Variants in IPO4 observed in about 807,000 individuals in gnomAD.
IPO4 encodes the protein importin 4.
A neutral mutation model predicts 133.5 loss-of-function variants in IPO4; 91 were observed. That is an observed-to-expected ratio of 0.68 (90% CI 0.58 to 0.81). The LOEUF is 0.81. Among genes scored for constraint, IPO4 ranks in the 30% least tolerant of loss-of-function variants. The pLI, the probability that IPO4 is intolerant of heterozygous loss-of-function variation, is 0.00. For synonymous variants in IPO4, 607 were observed against 581.6 expected (o/e 1.04, Z -0.63); for missense variants, 1,279 against 1,386.2 (o/e 0.92, Z 1.23).
chr14:24,182,836 A>C lies in IPO4; in HGVS notation c.2428T>G (p.Cys810Gly), dbSNP rs781442380. ...LKAVLQRKTA[C>G]QDTDEEEEEE... ...TCCTCCTCCTCGTCAGTATCCTGACAGGCTGTCTACAAGAAGTAGCTCAAC... is the reference window on the plus strand; with the variant it reads ...TCCTCCTCCTCGTCAGTATCCTGACCGGCTGTCTACAAGAAGTAGCTCAAC... Residue 810 changes from cysteine (C) to glycine (G), a missense_variant, in exon 24 of 30, where the codon TGT becomes GGT. Coordinates refer to ENST00000354464, the MANE Select transcript of IPO4 (RefSeq NM_024658.4). 2 of 1,614,150 alleles carry C rather than the reference A, an allele frequency of 1.2e-6. No individual in the cohort carries two copies. The highest frequency in any genetic ancestry group is 1.1e-5 in the South Asian group (1 of 91,088).
rs771957706 is a variant in IPO4 at position 24,186,873 on chromosome 14, C to G, written c.756+5G>C. The G allele has an allele frequency of 1.2e-6, 2 of 1,613,730 alleles. No individual in the cohort carries two copies. The highest frequency in any genetic ancestry group is 1.7e-6 in the Non-Finnish European group (2 of 1,179,646). On this transcript the variant is annotated splice_donor_5th_base_variant and intron_variant, in intron 8 of 29. Transcript: ENST00000354464. ...TAGCAGGGGCCATGTCCACTCCAGG[C>G]TCACCTCCAGGCAGAATGTGAGGAC... is the stretch of plus-strand genomic sequence containing the variant.
rs1009418629 is a variant in IPO4, at chr14:24,187,463, C to A, written c.525G>T (p.Gly175=). The A allele has an allele frequency of 2.5e-6, 4 of 1,614,112 alleles. No homozygotes were observed. Among genetic ancestry groups the A allele is most frequent in the Admixed American group, 3.3e-5 (2 of 60,024 alleles). ...GAGTGCGCAGGGAGTAGAAGAGCAG[C>A]CCAGGAGAGCCCACCTCACCAAGAG... is the stretch of plus-strand genomic sequence containing the variant. ...NETLGEVGSP[G]LLFYSLRTLT... The change falls in exon 6 of 30, where the codon GGG becomes GGT. Residue 175 remains glycine, a synonymous_variant. Coordinates refer to ENST00000354464, the MANE Select transcript of IPO4 (RefSeq NM_024658.4).
In IPO4 at chr14:24,184,003, T is replaced by C. The variant is rs1298277678; in HGVS notation, c.1864A>G (p.Ile622Val). 3 of 786,324 alleles carry C rather than the reference T, an allele frequency of 3.8e-6. No homozygotes were observed. The highest frequency in any genetic ancestry group is 3.3e-4 in the Middle Eastern group (1 of 3,020). 48.7% of individuals were successfully genotyped at this position (786,324 alleles called of 1,614,324 possible). A position where few individuals can be genotyped will look rare whatever the true frequency, so the allele number is the denominator to read the frequency against. Reference sequence around the variant, plus strand: ...CCCACCCACCCTTTGCTCACCACAATGCCCTCGGTGGAACGCAGTGACAGC... The same window carrying C: ...CCCACCCACCCTTTGCTCACCACAACGCCCTCGGTGGAACGCAGTGACAGC... ...MLLSLRSTEG[I>V]VPQYDGSSSF... is the part of the protein sequence containing the mutation. Residue 622 changes from isoleucine to valine, a missense_variant, in exon 18 of 30, where the codon ATT (isoleucine) becomes GTT (valine). By Grantham distance (29) the Ile-to-Val change is conservative. Around this residue, in one of 3 missense-constraint regions of IPO4, gnomAD observed 575 missense variants for 653.4 expected, o/e 0.88. Coordinates refer to ENST00000354464, the MANE Select transcript of IPO4 (RefSeq NM_024658.4).
In IPO4 at chr14:24,180,684, C is replaced by T. The variant is rs1473525326; in HGVS notation, c.3115+5G>A. 6.2e-7 allele frequency: 1 copy of T among 1,614,136 alleles called. No homozygotes were observed. Among genetic ancestry groups the T allele is most frequent in the Admixed American group, 1.7e-5 (1 of 60,026 alleles). ...CAAGCCCCTGCCTATGACTCCTACC[C>T]TCACCTGGTGGGATCTTGTTGTCAG... is the stretch of plus-strand genomic sequence containing the variant. On this transcript the variant is annotated splice_donor_5th_base_variant and intron_variant, in intron 29 of 29. Transcript: ENST00000354464.
At chr14:24,187,321 G>A (rs2039238013) in intron 6 of IPO4, 79 bp downstream of exon 6, 2 of 1,547,864 alleles carry the variant, frequency 1.3e-6, no homozygotes, top group East Asian at 2.3e-5. Context: ...AGAATCCAAA[G>A]CAGCTTTGTA....
At chr14:24,185,618 C>A in intron 12 of IPO4, 51 bp from the exon 13 acceptor site, 3 of 1,478,856 alleles carry the variant, frequency 2.0e-6, no homozygotes, top group Non-Finnish European at 2.8e-6. Context: ...ACCTGAGAGC[C>A]CTAGGCTGAC....
At chr14:24,187,601 G>C in intron 5 of IPO4, 22 bp from the exon 6 acceptor site, 1 of 1,614,080 alleles carries the variant, frequency 6.2e-7, no homozygotes. Flanking sequence ...TAGAGGATGG[G>C]AGAGCAAGCT....
Position 24,188,596 on chromosome 14 carries a change from A to G in IPO4, c.112T>C (p.Leu38=). ...LQIVLRAPAA[L]PALCDLLASA... Reference sequence around the variant, plus strand: ...GCTAGCAGGTCGCAGAGAGCCGGCAAAGCGGCGGGGGCCCGAAGAACGATC... The same window carrying G: ...GCTAGCAGGTCGCAGAGAGCCGGCAGAGCGGCGGGGGCCCGAAGAACGATC... Residue 38 remains leucine, a synonymous_variant, in exon 2 of 30, where the codon TTG becomes CTG. Transcript: ENST00000354464. 6.2e-7 allele frequency: 1 copy of G among 1,613,206 alleles called. No individual in the cohort carries two copies.
chr14:24,184,109 C>T lies in IPO4; in HGVS notation c.1758G>A (p.Thr586=). 6.2e-7 allele frequency: 1 copy of T among 1,611,860 alleles called. No homozygotes were observed. ...QVDDPDLRRC[T]YSLFAALSGL... is the part of the protein sequence containing the mutation. The stretch of plus-strand genomic sequence containing the variant: ...CCGATAAGGCTGCAAATAGGCTGTA[C>T]CTGGTCAAAGCAGGCAGAAGAAGCT... Residue 586 remains threonine, a splice_region_variant and synonymous_variant, in exon 18 of 30, where the codon ACG becomes ACA. Coordinates refer to ENST00000354464, the MANE Select transcript of IPO4 (RefSeq NM_024658.4).
In IPO4 at chr14:24,181,420, C is replaced by T. The variant is rs143309918; in HGVS notation, c.3045+93G>A. On this transcript the variant is annotated intron_variant, in intron 28 of 29. Transcript: ENST00000354464. ...GTCACCTTGCATCAGGTGCAACTGA[C>T]AGCCTGGAGCTCCCGAGCCTCATCA... 1,070 of 982,208 alleles carry T rather than the reference C, an allele frequency of 1.1e-3. 8 individuals carry two copies. In the African/African-American group the frequency reaches 0.016, roughly 14 times the overall value. The allele number at this position is 982,208 out of a possible 1,614,324, so 60.8% of individuals were successfully genotyped here.
At chr14:24,184,523 A>G (rs761611235) in intron 16 of IPO4, 105 bp from the exon 17 acceptor site, 14 of 1,463,164 alleles carry the variant, frequency 9.6e-6, no homozygotes, top group Non-Finnish European at 1.3e-5. Context: ...CCCTTGGTAC[A>G]GCATGAAGCA....
chr14:24,185,322 G>A lies in IPO4; in HGVS notation c.1279-10C>T. On this transcript the variant is annotated splice_polypyrimidine_tract_variant and intron_variant, in intron 13 of 29. Coordinates refer to ENST00000354464, the MANE Select transcript of IPO4 (RefSeq NM_024658.4). ...AGCTGCTGATATGGGGCTGGGGGAG[G>A]GAGCAAGCAGGGCCTGAGTCAGGTT... The A allele has an allele frequency of 6.2e-7, 1 of 1,614,080 alleles. No individual in the cohort carries two copies. The highest frequency in any genetic ancestry group is 8.5e-7 in the Non-Finnish European group (1 of 1,179,960).
chr14:24,180,530 T>A lies in IPO4; in HGVS notation c.3158A>T (p.Lys1053Ile). The change falls in exon 30 of 30, where the codon AAA becomes ATA. Residue 1053 changes from lysine (K) to isoleucine (I), a missense_variant. Physicochemically the swap from Lys to Ile is moderately radical, Grantham distance 102 (BLOSUM62 -3). Transcript: ENST00000354464. ...TGCTTGAAAGCTGTCGGTGTGCTGT[T>A]TGGCCAGGAACGTCAGGAGCAGCAA... ...ALLLLLTFLA[K>I]QHTDSFQAAL... 6.2e-7 allele frequency: 1 copy of A among 1,614,042 alleles called. No homozygotes were observed. The highest frequency in any genetic ancestry group is 8.5e-7 in the Non-Finnish European group (1 of 1,179,960).
chr14:24,186,873 C>T lies in IPO4; in HGVS notation c.756+5G>A, dbSNP rs771957706. The T allele has an allele frequency of 1.7e-5, 27 of 1,613,612 alleles. No homozygotes were observed. Among genetic ancestry groups the T allele is most frequent in the Non-Finnish European group, 2.1e-5 (25 of 1,179,654 alleles). Reference sequence around the variant, plus strand: ...TAGCAGGGGCCATGTCCACTCCAGGCTCACCTCCAGGCAGAATGTGAGGAC... The same window carrying T: ...TAGCAGGGGCCATGTCCACTCCAGGTTCACCTCCAGGCAGAATGTGAGGAC... On this transcript the variant is annotated splice_donor_5th_base_variant and intron_variant, in intron 8 of 29. Transcript: ENST00000354464.
chr14:24,180,653 C>T (rs1229958584), intron 29 of IPO4, 36 bp downstream of exon 29: 2 of 1,613,252 alleles, frequency 1.2e-6, no homozygotes, highest in Admixed American at 1.7e-5. Flanking sequence ...CACTCCCAGC[C>T]TCCCGCAAGC....
At position 24,187,134 on chromosome 14, in the gene IPO4, A is replaced by T; in HGVS notation, c.605T>A (p.Leu202Ter). Residue 202 changes from leucine (L) to a stop codon, truncating the protein, a stop_gained, in exon 7 of 30, where the codon TTG (leucine) becomes TAG (stop). Coordinates refer to ENST00000354464, the MANE Select transcript of IPO4 (RefSeq NM_024658.4). LOFTEE classifies it high-confidence loss of function. ...STEDVPLARM[L>*]VPKLIMAMQT... Reference sequence around the variant, plus strand: ...CATGGCCATGATCAGCTTGGGCACCAACATCCGAGCGAGAGGCTGAGGGAC... The same window carrying T: ...CATGGCCATGATCAGCTTGGGCACCTACATCCGAGCGAGAGGCTGAGGGAC... 6.2e-7 allele frequency: 1 copy of T among 1,613,892 alleles called. No homozygotes were observed. The highest frequency in any genetic ancestry group is 8.5e-7 in the Non-Finnish European group (1 of 1,179,812).
Position 24,187,478 on chromosome 14 carries a change from C to T in IPO4, c.510G>A (p.Glu170=). Residue 170 remains glutamate, a synonymous_variant, in exon 6 of 30, where the codon GAG becomes GAA. Transcript: ENST00000354464. ...AGAAGAGCAGCCCAGGAGAGCCCAC[C>T]TCACCAAGAGTCTCATTCAGAAGCC... is the stretch of plus-strand genomic sequence containing the variant. ...LLRLLNETLG[E]VGSPGLLFYS... 6.2e-7 allele frequency: 1 copy of T among 1,614,132 alleles called. No homozygotes were observed. The highest frequency in any genetic ancestry group is 1.6e-4 in the Middle Eastern group (1 of 6,062).
chr14:24,180,667 T>C, intron 29 of IPO4, 22 bp downstream of exon 29: 1 of 1,613,986 alleles, frequency 6.2e-7, no homozygotes, highest in African/African-American at 1.3e-5. Flanking sequence ...CGCAAGCCCC[T>C]GCCTATGACT....
rs1296930510 is a variant in IPO4 at position 24,183,292 on chromosome 14, G to C, written c.2185C>G (p.His729Asp). ...GAGGGGCAGCTTTGACAGGCCTTGTGCAGTGCACAGCAAAACTGACCCAGA... is the reference window on the plus strand; with the variant it reads ...GAGGGGCAGCTTTGACAGGCCTTGTCCAGTGCACAGCAAAACTGACCCAGA... ...EALGQFCCALHKACQSCPSEP... is the reference protein window; with the variant it reads ...EALGQFCCALDKACQSCPSEP... The change falls in exon 22 of 30, where the codon CAC (histidine) becomes GAC (aspartate). Residue 729 changes from histidine to aspartate, a missense_variant. Physicochemically the swap from His to Asp is moderately conservative, Grantham distance 81. This residue lies in a region of IPO4 where 575 missense variants were observed against 653.4 expected (regional missense o/e 0.88). Transcript: ENST00000354464. 1.2e-6 allele frequency: 2 copies of C among 1,613,632 alleles called. No individual in the cohort carries two copies. The highest frequency in any genetic ancestry group is 2.2e-5 in the East Asian group (1 of 44,876).
Sources: gnomAD v4.1 joint callset for allele counts on GRCh38, gnomAD v4.1.1 for gene constraint, gnomAD v4.1.1 regional missense constraint, MANE v1.5 for transcripts, NCBI Gene and HGNC (gene_info 2026-07-23, HGNC 2026-07-21) for gene names.